PCDHGA3: variants seen among roughly 807,000 people sequenced by gnomAD.
The protein encoded by PCDHGA3 is protocadherin gamma subfamily A, 3.
Under a neutral mutation model 58.5 loss-of-function variants are expected in PCDHGA3, and 40 were observed. The ratio of observed to expected loss-of-function variants is 0.68; its 90% CI spans 0.53 to 0.89. The LOEUF is 0.89. Among genes scored for constraint, PCDHGA3 ranks in the 40% least tolerant of loss-of-function variants. The pLI is 0.00. For missense variants in PCDHGA3, 1,223 were observed against 1,195.9 expected, an observed-to-expected ratio of 1.02 and a Z score of -0.33; for synonymous variants, 530 against 525.7, an observed-to-expected ratio of 1.01 and a Z score of -0.11.
At position 141,471,055 on chromosome 5, in the gene PCDHGA3, T is replaced by C. The variant is rs1229791864; in HGVS notation, c.2425-23752T>C. Reference sequence around the variant, plus strand: ...AACAAGCCCAAGCCCTCTTTTTTTTTTTTTTTTTTTTGAGACAGGGTCTCC... The same window carrying C: ...AACAAGCCCAAGCCCTCTTTTTTTTCTTTTTTTTTTTGAGACAGGGTCTCC... On this transcript the variant is annotated intron_variant, in intron 1 of 3. Coordinates refer to ENST00000253812, the MANE Select transcript of PCDHGA3 (RefSeq NM_018916.4). Among the ~76,000 whole-genome samples the C allele has an allele frequency of 1.7e-4, 25 of 148,764 alleles. 2 individuals are homozygous for C. The Admixed American group carries it at 1.7e-3, about 10-fold the overall frequency.
Position 141,485,495 on chromosome 5 carries a change from T to C in PCDHGA3, c.2425-9312T>C. 1 of 1,613,494 alleles carries C rather than the reference T, an allele frequency of 6.2e-7. No homozygotes were observed. Among genetic ancestry groups the C allele is most frequent in the African/African-American group, 1.3e-5 (1 of 74,780 alleles). On this transcript the variant is annotated intron_variant, in intron 1 of 3. Coordinates refer to ENST00000253812, the MANE Select transcript of PCDHGA3 (RefSeq NM_018916.4). This position sits in a 1 kb window ranked among gnomAD's most constrained non-coding sequence, Gnocchi z 5.7. ...TGCCAGCTGCATCGTGCCCCTGGAG[T>C]TTGTCACCGAAGGTCCTTTGGAAAT...
At chr5:141,413,763 G>A (rs964376306) in intron 1 of PCDHGA3, 6 of 1,612,814 alleles carry the variant, frequency 3.7e-6, no homozygotes, top group Non-Finnish European at 5.1e-6. Context: ...TCAAGTACCC[G>A]GAGCTGGTAC....
In PCDHGA3 at chr5:141,491,942, C is replaced by A; in HGVS notation, c.2425-2865C>A. The A allele has an allele frequency of 8.9e-7, 1 of 1,122,490 alleles. No individual in the cohort carries two copies. The highest frequency in any genetic ancestry group is 1.2e-6 in the Non-Finnish European group (1 of 824,374). 69.5% of individuals were successfully genotyped at this position (1,122,490 alleles called of 1,614,324 possible). The stretch of plus-strand genomic sequence containing the variant: ...GGCGAGGGGAGGTGGGACCGACCCC[C>A]ACCCCTACACTCAAAAAAGGCCGGG... On this transcript the variant is annotated intron_variant, in intron 1 of 3. Transcript: ENST00000253812. The surrounding 1 kb of genome is among the most constrained non-coding windows in gnomAD (Gnocchi z 6.9).
At chr5:141,414,352 T>C in intron 1 of PCDHGA3, 8 of 1,613,968 alleles carry the variant, frequency 5.0e-6, no homozygotes, top group Non-Finnish European at 6.8e-6. Flanking sequence ...CATTTTGGCG[T>C]ATCTACCATT....
chr5:141,423,572 G>T (rs1239529114), intron 1 of PCDHGA3: 2 of 1,613,510 alleles, frequency 1.2e-6, no homozygotes, highest in African/African-American at 1.3e-5. Context: ...ACGCTCATCA[G>T]CCAGGAGAGC....
rs778172652 is a variant in PCDHGA3, at chr5:141,418,978, C to G, written c.2424+72521C>G. 4 of 1,613,790 alleles carry G rather than the reference C, an allele frequency of 2.5e-6. No individual in the cohort carries two copies. In the South Asian group the frequency reaches 4.4e-5, roughly 18 times the overall value. ...TTGTTGCCCTCTTCAAAACACGGGACCAAGACTCAGGGGAAAATGGGGAAG... is the reference window on the plus strand; with the variant it reads ...TTGTTGCCCTCTTCAAAACACGGGAGCAAGACTCAGGGGAAAATGGGGAAG... On this transcript the variant is annotated intron_variant, in intron 1 of 3. Coordinates refer to ENST00000253812, the MANE Select transcript of PCDHGA3 (RefSeq NM_018916.4).
chr5:141,404,463 A>G lies in PCDHGA3; in HGVS notation c.2424+58006A>G, dbSNP rs969137248. 10 of 1,612,548 alleles carry G rather than the reference A, an allele frequency of 6.2e-6. No homozygotes were observed. In the South Asian group the frequency reaches 9.9e-5, roughly 16 times the overall value. ...ATCCAAGGGTCTCCTCTCTCCACCTATGTCTCTATTAACTCAGACACTGGT... is the reference window on the plus strand; with the variant it reads ...ATCCAAGGGTCTCCTCTCTCCACCTGTGTCTCTATTAACTCAGACACTGGT... On this transcript the variant is annotated intron_variant, in intron 1 of 3. Transcript: ENST00000253812.
chr5:141,376,504 T>C, intron 1 of PCDHGA3: 1 of 1,614,034 alleles, frequency 6.2e-7, no homozygotes, highest in African/African-American at 1.3e-5. Context: ...CCAGGCAACT[T>C]CAGGTGAGTT....
Position 141,404,273 on chromosome 5 carries a change from C to A in PCDHGA3, c.2424+57816C>A, listed in dbSNP as rs751189949. 4.3e-6 allele frequency: 7 copies of A among 1,613,988 alleles called. No homozygotes were observed. The highest frequency in any genetic ancestry group is 5.9e-6 in the Non-Finnish European group (7 of 1,179,880). On this transcript the variant is annotated intron_variant, in intron 1 of 3. Coordinates refer to ENST00000253812, the MANE Select transcript of PCDHGA3 (RefSeq NM_018916.4). ...GTCCACAGAAATTCACATCACCCTG[C>A]AAGTGACTGACATCAATGATAATCC...
In PCDHGA3 at chr5:141,344,276, C is replaced by T. The variant is rs143610564; in HGVS notation, c.243C>T (p.Ser81=). ...AGCTTTTCTCTCTGAATCCGCAAAG[C>T]GGCAGCTTGGTCACCGCGGAGAGGA... ...RTQLFSLNPQ[S]GSLVTAERID... is the part of the protein sequence containing the mutation. Residue 81 remains serine, a synonymous_variant, in exon 1 of 4, where the codon AGC becomes AGT. Coordinates refer to ENST00000253812, the MANE Select transcript of PCDHGA3 (RefSeq NM_018916.4). 226 of 1,614,066 alleles carry T rather than the reference C, an allele frequency of 1.4e-4. 1 individual carries two copies. In the East Asian group the frequency reaches 2.9e-3, roughly 20 times the overall value.
intron 1 of PCDHGA3, chr5:141,430,809 G>T (rs949727881): frequency 2.0e-6 from 3 of 1,526,896 alleles, no homozygotes; most frequent in Non-Finnish European, 2.6e-6. Flanking sequence ...GTCCTGCTGG[G>T]AATCCTCCTG....
chr5:141,410,849 C>CTTTT lies in PCDHGA3; in HGVS notation c.2424+64411_2424+64414dup, dbSNP rs759346998. The CTTTT allele has an allele frequency of 9.0e-3, 1,245 of 137,660 alleles. 106 individuals are homozygous for CTTTT. The highest frequency in any genetic ancestry group is 0.023 in the African/African-American group (378 of 16,590). 8.5% of individuals were successfully genotyped at this position (137,660 alleles called of 1,614,324 possible). On this transcript the variant is annotated intron_variant, in intron 1 of 3. Coordinates refer to ENST00000253812, the MANE Select transcript of PCDHGA3 (RefSeq NM_018916.4). The stretch of plus-strand genomic sequence containing the variant: ...CAGACTGAAGATATTTTGTCTTTGT[C>CTTTT]TTTTTTTTTTTTTTTTTTTTTTGAG...
At chr5:141,380,260 G>A (rs1776331356) in intron 1 of PCDHGA3, among the ~76,000 whole-genome samples, 1 of 152,114 alleles carries the variant, frequency 6.6e-6, no homozygotes, top group South Asian at 2.1e-4. Context: ...AGGGGAAGGA[G>A]TAAAATCTCA....
intron 1 of PCDHGA3, chr5:141,376,411 C>G (rs904052827): frequency 4.3e-6 from 7 of 1,614,180 alleles, no homozygotes; most frequent in South Asian, 3.3e-5. Flanking sequence ...CCAACTATGC[C>G]GACACGCTTA....
At chr5:141,389,180 CA>C (rs2091638521) in intron 1 of PCDHGA3, 6 of 1,614,034 alleles carry the variant, frequency 3.7e-6, no homozygotes, top group Non-Finnish European at 5.1e-6. Context: ...CCCTCTCCTC[CA>C]GTTCCAGCAT....
At position 141,344,001 on chromosome 5, in the gene PCDHGA3, C is replaced by T; in HGVS notation, c.-33C>T. ...GGAGTCCGTCGTAGGAAACTGGAACCGAATTCAGAGAAAGCGATTCACCGA... is the reference window on the plus strand; with the variant it reads ...GGAGTCCGTCGTAGGAAACTGGAACTGAATTCAGAGAAAGCGATTCACCGA... On this transcript the variant is annotated 5_prime_UTR_variant, in exon 1 of 4. Coordinates refer to ENST00000253812, the MANE Select transcript of PCDHGA3 (RefSeq NM_018916.4). The T allele has an allele frequency of 6.7e-7, 1 of 1,496,096 alleles. No individual in the cohort carries two copies. Among genetic ancestry groups the T allele is most frequent in the Non-Finnish European group, 8.9e-7 (1 of 1,120,654 alleles). 92.7% of individuals were successfully genotyped at this position (1,496,096 alleles called of 1,614,324 possible).
Position 141,491,947 on chromosome 5 carries a change from C to T in PCDHGA3, c.2425-2860C>T. ...GGGGAGGTGGGACCGACCCCCACCCCTACACTCAAAAAAGGCCGGGGCCTC... is the reference window on the plus strand; with the variant it reads ...GGGGAGGTGGGACCGACCCCCACCCTTACACTCAAAAAAGGCCGGGGCCTC... On this transcript the variant is annotated intron_variant, in intron 1 of 3. Coordinates refer to ENST00000253812, the MANE Select transcript of PCDHGA3 (RefSeq NM_018916.4). The surrounding 1 kb of genome is among the most constrained non-coding windows in gnomAD (Gnocchi z 6.9). 1 of 1,114,210 alleles carries T rather than the reference C, an allele frequency of 9.0e-7. No individual in the cohort carries two copies. The highest frequency in any genetic ancestry group is 1.2e-6 in the Non-Finnish European group (1 of 815,758). 69.0% of individuals were successfully genotyped at this position (1,114,210 alleles called of 1,614,324 possible). A position where few individuals can be genotyped will look rare whatever the true frequency, so the allele number is the denominator to read the frequency against.
intron 1 of PCDHGA3, chr5:141,383,675 C>G: frequency 6.2e-7 from 1 of 1,614,006 alleles, no homozygotes; most frequent in Non-Finnish European, 8.5e-7. Flanking sequence ...CCAGTGGGTA[C>G]AAGACTGCTC....
chr5:141,488,552 A>C (rs993681273), intron 1 of PCDHGA3, among the ~76,000 whole-genome samples: 1 of 152,194 alleles, frequency 6.6e-6, no homozygotes, highest in African/African-American at 2.4e-5. Context: ...GTCAGCTGAC[A>C]TTGAGATTTC....
Sources: gnomAD v4.1 joint callset for allele counts (sites outside exome capture counted in the v4.1 genomes callset) on GRCh38, gnomAD v4.1.1 for gene constraint, Gnocchi (gnomAD v3.1) non-coding constraint, MANE v1.5 for transcripts, NCBI Gene and HGNC (gene_info 2026-07-23, HGNC 2026-07-21) for gene names.